CRISPLD1: variants seen among roughly 807,000 people sequenced by gnomAD.
CRISPLD1 encodes the protein cysteine-rich secretory protein LCCL domain-containing 1.
Under a neutral mutation model 77.5 loss-of-function variants are expected in CRISPLD1, and 60 were observed. That is an observed-to-expected ratio of 0.77 (90% CI 0.63 to 0.96). The LOEUF (loss-of-function observed/expected upper bound fraction) is 0.96. Ranked by LOEUF, CRISPLD1 falls within the 40% of genes least tolerant of loss-of-function variation. CRISPLD1 has a pLI of 0.00. For synonymous variants in CRISPLD1, 195 were observed against 200.1 expected, an observed-to-expected ratio of 0.97 and a Z score of 0.22; for missense variants, 623 against 615.8, an observed-to-expected ratio of 1.01 and a Z score of -0.12.
intron 2 of CRISPLD1, among the ~76,000 whole-genome samples, chr8:74,998,413 C>T (rs374425606): frequency 2.6e-5 from 4 of 152,140 alleles, no homozygotes; most frequent in East Asian, 1.9e-4. Context: ...AGTCCAGCGC[C>T]GTGGCTCATA....
At chr8:75,008,228 G>C (rs939405808) in intron 2 of CRISPLD1, among the ~76,000 whole-genome samples, 5 of 151,614 alleles carry the variant, frequency 3.3e-5, no homozygotes, top group African/African-American at 1.2e-4. Flanking sequence ...CAAGTGTATA[G>C]AAATGGGTAC....
intron 2 of CRISPLD1, among the ~76,000 whole-genome samples, chr8:75,003,956 T>C (rs886279587): frequency 6.6e-6 from 1 of 152,342 alleles, no homozygotes; most frequent in Admixed American, 6.5e-5. Flanking sequence ...ATGGGTTTAA[T>C]TGAAATAATC....
At chr8:74,990,952 A>G (rs1013326434) in intron 2 of CRISPLD1, among the ~76,000 whole-genome samples, 1 of 150,976 alleles carries the variant, frequency 6.6e-6, no homozygotes, top group African/African-American at 2.4e-5. Context: ...TTTTATACCT[A>G]CATTGGTACC....
chr8:74,998,676 A>T (rs377368668), intron 2 of CRISPLD1, among the ~76,000 whole-genome samples: 4 of 124,582 alleles, frequency 3.2e-5, no homozygotes, highest in African/African-American at 1.4e-4. Flanking sequence ...CAACAGAGAG[A>T]CTCCATCTCA....
At chr8:74,997,873 G>A (rs1812669485) in intron 2 of CRISPLD1, among the ~76,000 whole-genome samples, 1 of 152,232 alleles carries the variant, frequency 6.6e-6, no homozygotes, top group Non-Finnish European at 1.5e-5. Context: ...TAATTTCAGT[G>A]GTGAGGAATG....
chr8:74,985,994 T>G lies in CRISPLD1; in HGVS notation c.7T>G (p.Cys3Gly). The change falls in exon 2 of 15, where the codon TGT (cysteine) becomes GGT (glycine). Residue 3 changes from cysteine (C) to glycine (G), a missense_variant. By Grantham distance (159) the Cys-to-Gly change is radical. Transcript: ENST00000262207. MK[C>G]TAREWLRVTT... ...AATCCTGAGGTCATTCATTATGAAG[T>G]GTACCGCGCGGGAGTGGCTCAGAGT... 1 of 1,613,014 alleles carries G rather than the reference T, an allele frequency of 6.2e-7. No individual in the cohort carries two copies. The highest frequency in any genetic ancestry group is 8.5e-7 in the Non-Finnish European group (1 of 1,179,130).
intron 2 of CRISPLD1, among the ~76,000 whole-genome samples, chr8:74,994,991 G>C (rs1440558300): frequency 6.6e-6 from 1 of 152,120 alleles, no homozygotes; most frequent in African/African-American, 2.4e-5. Context: ...AATGTGTCAG[G>C]TATGCCATTA....
chr8:75,013,957 T>C (rs1300534019), intron 4 of CRISPLD1, 30 bp from the exon 5 acceptor site: 1 of 1,487,050 alleles, frequency 6.7e-7, no homozygotes, highest in African/African-American at 1.4e-5. Flanking sequence ...TCAGCCTGCT[T>C]TTTCTGAGCC....
chr8:75,010,034 T>G (rs528363064), intron 2 of CRISPLD1, among the ~76,000 whole-genome samples: 7 of 152,252 alleles, frequency 4.6e-5, no homozygotes, highest in Admixed American at 2.0e-4. Context: ...CCATTCATCT[T>G]GAATATTTGA....
intron 2 of CRISPLD1, among the ~76,000 whole-genome samples, chr8:74,998,685 C>CAAAAAAAAAAAA (rs368258595): frequency 1.6e-4 from 8 of 50,964 alleles, no homozygotes; most frequent in African/African-American, 4.3e-4. Context: ...GACTCCATCT[C>CAAAAAAAAAAAA]AAAAAAAAAA....
chr8:75,015,626 G>A (rs1813014163), intron 6 of CRISPLD1, among the ~76,000 whole-genome samples: 1 of 152,112 alleles, frequency 6.6e-6, no homozygotes, highest in East Asian at 1.9e-4. Context: ...AAGTGTATTA[G>A]GAAATATTTG....
intron 2 of CRISPLD1, among the ~76,000 whole-genome samples, chr8:75,005,219 C>T (rs1489627677): frequency 6.6e-6 from 1 of 152,006 alleles, no homozygotes; most frequent in African/African-American, 2.4e-5. Context: ...ACAGCTAATT[C>T]TTATGGGATA....
At chr8:74,997,906 TAAG>T (rs1381259514) in intron 2 of CRISPLD1, among the ~76,000 whole-genome samples, 4 of 152,152 alleles carry the variant, frequency 2.6e-5, no homozygotes, top group Admixed American at 1.3e-4. Flanking sequence ...GTTAAGCAGA[TAAG>T]AAGAGAATGG....
chr8:75,028,151 C>T (rs1813266769), intron 13 of CRISPLD1, among the ~76,000 whole-genome samples: 2 of 152,062 alleles, frequency 1.3e-5, no homozygotes, highest in African/African-American at 4.8e-5. Context: ...ATATTGGAGG[C>T]AAATATAATT....
At chr8:74,997,602 T>C (rs765186923) in intron 2 of CRISPLD1, among the ~76,000 whole-genome samples, 23 of 151,926 alleles carry the variant, frequency 1.5e-4, no homozygotes, top group Non-Finnish European at 3.2e-4. Flanking sequence ...AAGAAGAAGG[T>C]TTTTTATAGA....
At position 75,014,159 on chromosome 8, in the gene CRISPLD1, C is replaced by G. The variant is rs561924271; in HGVS notation, c.626+57C>G. On this transcript the variant is annotated intron_variant, in intron 5 of 14. Transcript: ENST00000262207. Reference sequence around the variant, plus strand: ...CATTTTTCTTAACAAAATGAAAATACCTTTACGTTCCTGATTGTTCCCCAT... The same window carrying G: ...CATTTTTCTTAACAAAATGAAAATAGCTTTACGTTCCTGATTGTTCCCCAT... The G allele has an allele frequency of 7.0e-5, 74 of 1,054,074 alleles. No homozygotes were observed. In the South Asian group the frequency reaches 9.3e-4, roughly 13 times the overall value. The allele number at this position is 1,054,074 out of a possible 1,614,324, so 65.3% of individuals were successfully genotyped here. A position where few individuals can be genotyped will look rare whatever the true frequency, so the allele number is the denominator to read the frequency against.
intron 2 of CRISPLD1, among the ~76,000 whole-genome samples, chr8:75,003,222 T>G (rs1812775608): frequency 6.6e-6 from 1 of 152,224 alleles, no homozygotes; most frequent in South Asian, 2.1e-4. Flanking sequence ...TAAAAGTATG[T>G]AAATATACAT....
intron 2 of CRISPLD1, among the ~76,000 whole-genome samples, chr8:75,007,116 CTTGTT>C (rs1366325347): frequency 6.6e-6 from 1 of 152,020 alleles, no homozygotes; most frequent in Non-Finnish European, 1.5e-5. Context: ...GTCTTCAACT[CTTGTT>C]TAATGTAGTA....
In CRISPLD1 at chr8:75,013,033, G is replaced by C. The variant is rs1812962295; in HGVS notation, c.510+11G>C. On this transcript the variant is annotated intron_variant, in intron 4 of 14. Transcript: ENST00000262207. ...ACACATTATACACAGGTATGTTTGGGGGGTATTATACTTAATTCCCCCAAA... is the reference window on the plus strand; with the variant it reads ...ACACATTATACACAGGTATGTTTGGCGGGTATTATACTTAATTCCCCCAAA... The C allele has an allele frequency of 1.3e-6, 2 of 1,555,684 alleles. No homozygotes were observed. Among genetic ancestry groups the C allele is most frequent in the Admixed American group, 1.8e-5 (1 of 55,822 alleles).
Sources: gnomAD v4.1 joint callset for allele counts (sites outside exome capture counted in the v4.1 genomes callset) on GRCh38, gnomAD v4.1.1 for gene constraint, MANE v1.5 for transcripts, NCBI Gene and HGNC (gene_info 2026-07-23, HGNC 2026-07-21) for gene names.